The following SPRY2 variants were observed in gnomAD, a reference collection of about 807,000 sequenced individuals.
SPRY2 encodes the protein protein sprouty homolog 2.
A neutral mutation model predicts 23.4 loss-of-function variants in SPRY2; 10 were observed. That is an observed-to-expected ratio of 0.43 (90% CI 0.26 to 0.73). The LOEUF (loss-of-function observed/expected upper bound fraction) is 0.73, where lower values mean the gene tolerates loss of function less well. Ranked by LOEUF, SPRY2 falls within the 30% of genes least tolerant of loss-of-function variation. The probability of loss-of-function intolerance (pLI) is 0.22; values close to 1 mark genes in which losing one functional copy is unlikely to be tolerated. For missense variants in SPRY2, 344 were observed against 396.9 expected, an observed-to-expected ratio of 0.87 and a Z score of 1.13; for synonymous variants, 170 against 156.9, an observed-to-expected ratio of 1.08 and a Z score of -0.62.
chr13:80,338,026 A>C (rs1024095845), intron 1 of SPRY2, among the ~76,000 whole-genome samples: 1 of 152,250 alleles, frequency 6.6e-6, no homozygotes, highest in African/African-American at 2.4e-5. Flanking sequence ...ATTCAAAGAA[A>C]CATACAATTT....
rs751596093 is a variant in SPRY2, at chr13:80,337,621, C to T, written c.85G>A (p.Asp29Asn). 1.9e-6 allele frequency: 3 copies of T among 1,614,076 alleles called. No individual in the cohort carries two copies. The highest frequency in any genetic ancestry group is 4.5e-5 in the East Asian group (2 of 44,886). Residue 29 changes from aspartate to asparagine, a missense_variant, in exon 2 of 2, where the codon GAC (aspartate) becomes AAC (asparagine). By Grantham distance (23) the Asp-to-Asn change is conservative. Coordinates refer to ENST00000377104, the MANE Select transcript of SPRY2 (RefSeq NM_005842.4). ...TGCTGGGTGAGGGCGTCTCTGGGGT[C>T]GGGCTCCCCACGCTGTCTGCCACCG... is the stretch of plus-strand genomic sequence containing the variant. Reference protein sequence around the residue: ...RDGGRQRGEPDPRDALTQQVH... With the variant: ...RDGGRQRGEPNPRDALTQQVH...
chr13:80,339,826 G>T (rs112280329), intron 1 of SPRY2, among the ~76,000 whole-genome samples: 3 of 152,280 alleles, frequency 2.0e-5, no homozygotes, highest in Admixed American at 6.5e-5. Context: ...AACAACAAAA[G>T]GAAATAAAAA....
Position 80,337,090 on chromosome 13 carries a change from G to A in SPRY2, c.616C>T (p.Leu206Phe), listed in dbSNP as rs777966595. 1.3e-5 allele frequency: 21 copies of A among 1,614,110 alleles called. No individual in the cohort carries two copies. In the African/African-American group the frequency reaches 2.8e-4, roughly 22 times the overall value. The change falls in exon 2 of 2, where the codon CTT becomes TTT. Residue 206 changes from leucine (L) to phenylalanine (F), a missense_variant. Transcript: ENST00000377104. Reference protein sequence around the residue: ...PSDWICDKQCLCSAQNVIDYG... With the variant: ...PSDWICDKQCFCSAQNVIDYG... Reference sequence around the variant, plus strand: ...TCAATCACGTTCTGGGCCGAGCAAAGGCACTGCTTGTCGCAGATCCAGTCT... The same window carrying A: ...TCAATCACGTTCTGGGCCGAGCAAAAGCACTGCTTGTCGCAGATCCAGTCT...
intron 1 of SPRY2, among the ~76,000 whole-genome samples, chr13:80,340,320 G>A (rs1880464288): frequency 6.6e-6 from 1 of 152,264 alleles, no homozygotes; most frequent in South Asian, 2.1e-4. Context: ...GCACGGCTGG[G>A]AGCAGACTTC....
rs1450764133 is a variant in SPRY2, at chr13:80,336,639, A to G, written c.*119T>C. On this transcript the variant is annotated 3_prime_UTR_variant, in exon 2 of 2. Transcript: ENST00000377104. ...AAAAAGCATTTCACCGCAAACAGCA[A>G]AGACTATCCCACCTTTCTATTAACA... 3.6e-6 allele frequency: 4 copies of G among 1,098,956 alleles called. No homozygotes were observed. Among genetic ancestry groups the G allele is most frequent in the Non-Finnish European group, 5.4e-6 (4 of 747,220 alleles). 68.1% of individuals were successfully genotyped at this position (1,098,956 alleles called of 1,614,324 possible).
Position 80,336,440 on chromosome 13 carries a change from G to C in SPRY2, c.*318C>G, listed in dbSNP as rs796490786. The C allele has an allele frequency of 4.3e-5, 17 of 394,848 alleles. No homozygotes were observed. In the Admixed American group the frequency reaches 6.8e-4, roughly 16 times the overall value. The allele number at this position is 394,848 out of a possible 1,614,324, so 24.5% of individuals were successfully genotyped here. On this transcript the variant is annotated 3_prime_UTR_variant, in exon 2 of 2. Transcript: ENST00000377104. ...TCTCTGGAGAAAACAATGGAAAAAA[G>C]TCATCTGCTAATTTACAAGTTTTGC...
Position 80,336,561 on chromosome 13 carries a change from G to A in SPRY2, c.*197C>T, listed in dbSNP as rs967393613. 4 of 656,100 alleles carry A rather than the reference G, an allele frequency of 6.1e-6. No individual in the cohort carries two copies. The African/African-American group carries it at 7.3e-5, about 12-fold the overall frequency. 40.6% of individuals were successfully genotyped at this position (656,100 alleles called of 1,614,324 possible). ...CACCAAGTTCTGTATCTCATACTTT[G>A]AGCTCCATTAGCTGAGTTCTAACAA... On this transcript the variant is annotated 3_prime_UTR_variant, in exon 2 of 2. Transcript: ENST00000377104.
In SPRY2 at chr13:80,336,999, T is replaced by C; in HGVS notation, c.707A>G (p.Asn236Ser). Residue 236 changes from asparagine (N) to serine (S), a missense_variant, in exon 2 of 2, where the codon AAC (asparagine) becomes AGC (serine). Transcript: ENST00000377104. ...GCAAGAACATGGGTTGTCAGCACAG[T>C]TGTCCTCATCATCATTAGAACAGTG... ...FYHCSNDDED[N>S]CADNPCSCSQ... is the part of the protein sequence containing the mutation. 1.2e-6 allele frequency: 2 copies of C among 1,614,268 alleles called. No homozygotes were observed. The highest frequency in any genetic ancestry group is 1.7e-6 in the Non-Finnish European group (2 of 1,180,048).
At chr13:80,337,782 G>T in intron 1 of SPRY2, 26 bp from the exon 2 acceptor site, 1 of 1,340,066 alleles carries the variant, frequency 7.5e-7, no homozygotes. Flanking sequence ...GGAAAGAACG[G>T]TTGATACTCT....
At position 80,337,208 on chromosome 13, in the gene SPRY2, C is replaced by T. The variant is rs1480686645; in HGVS notation, c.498G>A (p.Leu166=). 1 of 1,612,054 alleles carries T rather than the reference C, an allele frequency of 6.2e-7. No individual in the cohort carries two copies. Among genetic ancestry groups the T allele is most frequent in the Non-Finnish European group, 8.5e-7 (1 of 1,178,178 alleles). Residue 166 remains leucine, a synonymous_variant, in exon 2 of 2, where the codon CTG becomes CTA. Coordinates refer to ENST00000377104, the MANE Select transcript of SPRY2 (RefSeq NM_005842.4). ...CGTGCAGGCCCAAATCTTCCTTGCT[C>T]AGTGGCTTAAGCTCACCTGGCTTGA... ...SELKPGELKP[L]SKEDLGLHAY...
Position 80,336,782 on chromosome 13 carries a change from A to G in SPRY2, c.924T>C (p.Pro308=), listed in dbSNP as rs773498052. The G allele has an allele frequency of 1.9e-6, 3 of 1,614,006 alleles. No homozygotes were observed. In the South Asian group the frequency reaches 3.3e-5, roughly 18 times the overall value. ...TVCCKVPTVP[P]RNFEKPT Reference sequence around the variant, plus strand: ...GCTATGTTGGTTTTTCAAAGTTCCTAGGGGGGACAGTGGGAACTTTGCAGC... The same window carrying G: ...GCTATGTTGGTTTTTCAAAGTTCCTGGGGGGGACAGTGGGAACTTTGCAGC... Residue 308 remains proline, a synonymous_variant, in exon 2 of 2, where the codon CCT becomes CCC. Transcript: ENST00000377104.
intron 1 of SPRY2, chr13:80,338,779 G>A (rs1486934137): frequency 1.3e-5 from 2 of 152,298 alleles, no homozygotes; most frequent in Non-Finnish European, 2.9e-5. Flanking sequence ...AGCGAACAAG[G>A]CAGGTGACAA....
chr13:80,336,771 T>C lies in SPRY2; in HGVS notation c.935A>G (p.Glu312Gly), dbSNP rs748443333. 4 of 1,614,004 alleles carry C rather than the reference T, an allele frequency of 2.5e-6. No individual in the cohort carries two copies. The highest frequency in any genetic ancestry group is 4.5e-5 in the East Asian group (2 of 44,882). Residue 312 changes from glutamate (E) to glycine (G), a missense_variant, in exon 2 of 2, where the codon GAA becomes GGA. Coordinates refer to ENST00000377104, the MANE Select transcript of SPRY2 (RefSeq NM_005842.4). The stretch of plus-strand genomic sequence containing the variant: ...TGATTAATGATGCTATGTTGGTTTT[T>C]CAAAGTTCCTAGGGGGGACAGTGGG... ...KVPTVPPRNF[E>G]KPT
In SPRY2 at chr13:80,337,284, G is replaced by T. The variant is rs1291535013; in HGVS notation, c.422C>A (p.Ser141Tyr). 6.2e-6 allele frequency: 10 copies of T among 1,613,738 alleles called. No individual in the cohort carries two copies. The Admixed American group carries it at 1.7e-4, about 27-fold the overall frequency. The change falls in exon 2 of 2, where the codon TCC becomes TAC. Residue 141 changes from serine to tyrosine, a missense_variant. Transcript: ENST00000377104. The stretch of plus-strand genomic sequence containing the variant: ...TATGCCATCAGCAACAGGCCCGGAG[G>T]AGAAGGATGATCCTAGCAGTCTCTG... ...SEQRLLGSSFSSGPVADGIIR... is the reference protein window; with the variant it reads ...SEQRLLGSSFYSGPVADGIIR...
intron 1 of SPRY2, among the ~76,000 whole-genome samples, chr13:80,338,140 G>C (rs1880355804): frequency 6.6e-6 from 1 of 152,118 alleles, no homozygotes; most frequent in South Asian, 2.1e-4. Context: ...ATTTGAAATA[G>C]GTTTCCATTT....
Position 80,337,698 on chromosome 13 carries a change from G to A in SPRY2, c.8C>T (p.Ala3Val). The A allele has an allele frequency of 6.2e-7, 1 of 1,610,020 alleles. No individual in the cohort carries two copies. The highest frequency in any genetic ancestry group is 1.3e-5 in the African/African-American group (1 of 75,056). ME[A>V]RAQSGNGSQP... ...CGACCCGTTGCCACTCTGAGCTCTG[G>A]CCTCCATCAGGTCTTGGAAGTGTGG... The change falls in exon 2 of 2, where the codon GCC (alanine) becomes GTC (valine). Residue 3 changes from alanine to valine, a missense_variant. Coordinates refer to ENST00000377104, the MANE Select transcript of SPRY2 (RefSeq NM_005842.4).
At position 80,337,485 on chromosome 13, in the gene SPRY2, G is replaced by C; in HGVS notation, c.221C>G (p.Ser74Cys). ...GAGTCTCTCGTGTTTGTGCTGAGTG[G>C]AGGGGCGAGGAGCAGGCTTGAGCCC... ...RPGLKPAPRP[S>C]TQHKHERLHG... The change falls in exon 2 of 2, where the codon TCC becomes TGC. Residue 74 changes from serine to cysteine, a missense_variant. Ser to Cys is a moderately radical substitution (Grantham distance 112). Coordinates refer to ENST00000377104, the MANE Select transcript of SPRY2 (RefSeq NM_005842.4). The C allele has an allele frequency of 1.2e-6, 2 of 1,614,228 alleles. No homozygotes were observed. The highest frequency in any genetic ancestry group is 1.7e-6 in the Non-Finnish European group (2 of 1,180,050).
intron 1 of SPRY2, chr13:80,339,160 G>A (rs1455698746): frequency 6.6e-6 from 1 of 152,290 alleles, no homozygotes; most frequent in Non-Finnish European, 1.5e-5. Flanking sequence ...TCCGCCCCCA[G>A]GCAGAGGTCA....
intron 1 of SPRY2, among the ~76,000 whole-genome samples, chr13:80,338,354 A>G (rs1880369409): frequency 6.6e-6 from 1 of 152,248 alleles, no homozygotes; most frequent in African/African-American, 2.4e-5. Flanking sequence ...TATTAATTGT[A>G]TAGTAGCACA....
Sources: gnomAD v4.1 joint callset for allele counts (sites outside exome capture counted in the v4.1 genomes callset) on GRCh38, gnomAD v4.1.1 for gene constraint, MANE v1.5 for transcripts, NCBI Gene and HGNC (gene_info 2026-07-23, HGNC 2026-07-21) for gene names.